KCNIP3: variants seen among roughly 807,000 people sequenced by gnomAD.
KCNIP3 encodes potassium voltage-gated channel interacting protein 3, also known as calsenilin.
In KCNIP3, 28 loss-of-function variants were observed where a neutral mutation model predicts 35.0. That is an observed-to-expected ratio of 0.80 (90% CI 0.59 to 1.10). KCNIP3 has a LOEUF of 1.10. Ranked by LOEUF, KCNIP3 falls within the 50% of genes least tolerant of loss-of-function variation. The pLI is 0.00. For missense variants in KCNIP3, 295 were observed against 338.4 expected (o/e 0.87, Z 1.01); for synonymous variants, 134 against 133.8 (o/e 1.00, Z -0.01).
chr2:95,332,423 G>C (rs1678954724), intron 2 of KCNIP3, among the ~76,000 whole-genome samples: 1 of 152,262 alleles, frequency 6.6e-6, no homozygotes, highest in African/African-American at 2.4e-5. Flanking sequence ...AGACCAGCCT[G>C]GCCAACATGG....
At chr2:95,323,400 A>T (rs1188244802) in intron 2 of KCNIP3, among the ~76,000 whole-genome samples, 1 of 152,148 alleles carries the variant, frequency 6.6e-6, no homozygotes, top group African/African-American at 2.4e-5. Context: ...TACTCAAGGA[A>T]AAGGCAGAAC....
chr2:95,334,202 G>A (rs756910312), intron 2 of KCNIP3, among the ~76,000 whole-genome samples: 17 of 152,242 alleles, frequency 1.1e-4, no homozygotes, highest in Non-Finnish European at 2.4e-4. Flanking sequence ...CTCTGAGTTG[G>A]CCGGCCGTGC....
In KCNIP3 at chr2:95,378,885, T is replaced by C. The variant is rs4993425; in HGVS notation, c.448-2711T>C. On this transcript the variant is annotated intron_variant, in intron 5 of 8. Coordinates refer to ENST00000295225, the MANE Select transcript of KCNIP3 (RefSeq NM_013434.5). The surrounding 1 kb of genome is among the most constrained non-coding windows in gnomAD (Gnocchi z 4.0). ...ATATATACACACACACACATATATA[T>C]ACACACACACACATATATATATATA... 1.3e-3 allele frequency among the ~76,000 whole-genome samples: 196 copies of C among 150,614 alleles called. 1 individual carries two copies. The highest frequency in any genetic ancestry group is 2.8e-3 in the African/African-American group (114 of 40,786).
At chr2:95,320,459 C>A (rs1048590300) in intron 2 of KCNIP3, among the ~76,000 whole-genome samples, 1 of 152,078 alleles carries the variant, frequency 6.6e-6, no homozygotes, top group Non-Finnish European at 1.5e-5. Flanking sequence ...GGTCTCTATG[C>A]CCTTCCCAGA....
Position 95,318,751 on chromosome 2 carries a change from G to A in KCNIP3, c.181+8231G>A, listed in dbSNP as rs577721971. ...TATCAGGAGCTTCAGACCCTGAAAG[G>A]AGTGAGCATCAGCAGCTTGGAGTGC... On this transcript the variant is annotated intron_variant, in intron 2 of 8. Transcript: ENST00000295225. Among the ~76,000 whole-genome samples the A allele has an allele frequency of 2.0e-5, 3 of 152,384 alleles. No homozygotes were observed. In the South Asian group the frequency reaches 6.2e-4, roughly 32 times the overall value.
intron 2 of KCNIP3, among the ~76,000 whole-genome samples, chr2:95,323,314 G>A (rs1678642640): frequency 6.6e-6 from 1 of 152,170 alleles, no homozygotes; most frequent in Non-Finnish European, 1.5e-5. Flanking sequence ...GAGTTTTTTG[G>A]GAAGGTGGGG....
chr2:95,334,890 C>T (rs1015129503), intron 2 of KCNIP3, among the ~76,000 whole-genome samples: 5 of 152,120 alleles, frequency 3.3e-5, no homozygotes, highest in African/African-American at 1.2e-4. Context: ...GGGATGGGGG[C>T]ATGAAGACAG....
intron 2 of KCNIP3, among the ~76,000 whole-genome samples, chr2:95,367,258 GC>G: frequency 6.6e-6 from 1 of 152,152 alleles, no homozygotes; most frequent in Non-Finnish European, 1.5e-5. Context: ...GGGCGACGGA[GC>G]CAAACTCTGT....
At chr2:95,327,683 A>G (rs1344299202) in intron 2 of KCNIP3, among the ~76,000 whole-genome samples, 7 of 152,174 alleles carry the variant, frequency 4.6e-5, no homozygotes, top group Non-Finnish European at 5.9e-5. Context: ...CTAATCCTGC[A>G]GGGGGCGTCA....
chr2:95,327,177 G>A (rs1021571685), intron 2 of KCNIP3, among the ~76,000 whole-genome samples: 2 of 152,112 alleles, frequency 1.3e-5, no homozygotes, highest in African/African-American at 4.8e-5. Flanking sequence ...TCAACTGGCC[G>A]ACTCCCAAGG....
chr2:95,318,375 AGTG>A (rs1387867975), intron 2 of KCNIP3, among the ~76,000 whole-genome samples: 1 of 152,220 alleles, frequency 6.6e-6, no homozygotes, highest in Non-Finnish European at 1.5e-5. Context: ...CAAAGGCAGA[AGTG>A]GTGTCTGTGA....
At chr2:95,307,708 G>A (rs368444873) in intron 1 of KCNIP3, among the ~76,000 whole-genome samples, 2 of 152,140 alleles carry the variant, frequency 1.3e-5, no homozygotes, top group East Asian at 3.9e-4. Context: ...CCTGGGCCCC[G>A]AGAAGCAGCC....
intron 2 of KCNIP3, among the ~76,000 whole-genome samples, chr2:95,357,265 C>T (rs1232913342): frequency 6.6e-6 from 1 of 152,206 alleles, no homozygotes; most frequent in Non-Finnish European, 1.5e-5. Flanking sequence ...CGAAAGGCCT[C>T]CCTTCACCCC....
rs576867457 is a variant in KCNIP3 at position 95,383,162 on chromosome 2, G to C, written c.661-70G>C. The C allele has an allele frequency of 4.6e-6, 5 of 1,082,526 alleles. No individual in the cohort carries two copies. In the Admixed American group the frequency reaches 8.0e-5, roughly 17 times the overall value. The allele number at this position is 1,082,526 out of a possible 1,614,324, so 67.1% of individuals were successfully genotyped here. A position where few individuals can be genotyped will look rare whatever the true frequency, so the allele number is the denominator to read the frequency against. Reference sequence around the variant, plus strand: ...CCATCCACCCACCCATGACTTCTGCGTCCTCAGGCCAGGGGCGGGGCTGTC... The same window carrying C: ...CCATCCACCCACCCATGACTTCTGCCTCCTCAGGCCAGGGGCGGGGCTGTC... On this transcript the variant is annotated intron_variant, in intron 7 of 8. Coordinates refer to ENST00000295225, the MANE Select transcript of KCNIP3 (RefSeq NM_013434.5).
At chr2:95,325,401 G>A (rs1678711074) in intron 2 of KCNIP3, among the ~76,000 whole-genome samples, 4 of 152,190 alleles carry the variant, frequency 2.6e-5, no homozygotes, top group Admixed American at 1.3e-4. Flanking sequence ...GAACACAAGA[G>A]GACAGTCAGG....
At chr2:95,343,047 G>A (rs1349036433) in intron 2 of KCNIP3, among the ~76,000 whole-genome samples, 1 of 152,134 alleles carries the variant, frequency 6.6e-6, no homozygotes, top group Non-Finnish European at 1.5e-5. Context: ...GAACCACAGT[G>A]GAGGTGGGGA....
chr2:95,371,569 C>A (rs1287095396), intron 2 of KCNIP3, among the ~76,000 whole-genome samples: 1 of 152,078 alleles, frequency 6.6e-6, no homozygotes, highest in Non-Finnish European at 1.5e-5. Context: ...GTTTTTCAAA[C>A]CTTTTATTTC....
At chr2:95,383,317 C>G (rs769053494) in intron 8 of KCNIP3, 23 bp downstream of exon 8, 17 of 1,610,456 alleles carry the variant, frequency 1.1e-5, no homozygotes, top group Non-Finnish European at 1.3e-5. Context: ...GGAGGCTGGG[C>G]CACAGTTCTC....
intron 2 of KCNIP3, among the ~76,000 whole-genome samples, chr2:95,324,461 C>T (rs1380297062): frequency 4.0e-5 from 6 of 151,160 alleles, no homozygotes; most frequent in Non-Finnish European, 8.8e-5. Context: ...TTGCAGTAAG[C>T]GAGATTGCGC....
Sources: gnomAD v4.1 joint callset for allele counts (sites outside exome capture counted in the v4.1 genomes callset) on GRCh38, gnomAD v4.1.1 for gene constraint, Gnocchi (gnomAD v3.1) non-coding constraint, MANE v1.5 for transcripts, NCBI Gene and HGNC (gene_info 2026-07-23, HGNC 2026-07-21) for gene names.